Variants in DEPDC5 observed in about 807,000 individuals in gnomAD.
The protein encoded by DEPDC5 is DEP domain containing 5, GATOR1 subcomplex subunit.
Under a neutral mutation model 217.3 loss-of-function variants are expected in DEPDC5, and 73 were observed. The ratio of observed to expected loss-of-function variants is 0.34; its 90% CI spans 0.28 to 0.41. The LOEUF is 0.41. Among genes scored for constraint, DEPDC5 ranks in the 10% least tolerant of loss-of-function variants. The pLI is 1.00. For missense variants in DEPDC5, 1,675 were observed against 2,070.1 expected, an observed-to-expected ratio of 0.81 and a Z score of 3.70; for synonymous variants, 733 against 756.7, an observed-to-expected ratio of 0.97 and a Z score of 0.51.
In DEPDC5 at chr22:31,864,501, AATATAT is replaced by A. The variant is rs34148134; in HGVS notation, c.3330+3087_3330+3092del. On this transcript the variant is annotated intron_variant, in intron 33 of 42. Transcript: ENST00000651528. Reference sequence around the variant, plus strand: ...CCTTCTGAACCTGTTTCTTCATTAAAATATATATATATATATATATATATTTATATA... The same window carrying A: ...CCTTCTGAACCTGTTTCTTCATTAAAATATATATATATATATATTTATATA... Among the ~76,000 whole-genome samples the A allele has an allele frequency of 4.9e-4, 60 of 123,148 alleles. 1 individual carries two copies. The highest frequency in any genetic ancestry group is 7.8e-4 in the Non-Finnish European group (46 of 59,080). 80.8% of individuals were successfully genotyped at this position (123,148 alleles called of 152,430 possible). A position where few individuals can be genotyped will look rare whatever the true frequency, so the allele number is the denominator to read the frequency against.
intron 8 of DEPDC5, 110 bp from the exon 9 acceptor site, chr22:31,783,797 T>C: frequency 1.2e-6 from 1 of 866,598 alleles, no homozygotes; most frequent in Admixed American, 2.5e-5. Context: ...AGTTCAATAG[T>C]GTTAAGAACA....
At chr22:31,903,002 C>G (rs1285915312) in intron 41 of DEPDC5, among the ~76,000 whole-genome samples, 1 of 151,938 alleles carries the variant, frequency 6.6e-6, no homozygotes, top group Non-Finnish European at 1.5e-5. Context: ...CAGTCCAGAT[C>G]CTGGTCTATC....
chr22:31,826,416 T>G (rs1016174283), intron 24 of DEPDC5: 15 of 406,952 alleles, frequency 3.7e-5, no homozygotes, highest in African/African-American at 2.9e-4. Context: ...CAATAACATA[T>G]TTTGTATTCC....
intron 40 of DEPDC5, among the ~76,000 whole-genome samples, chr22:31,899,420 G>A (rs1032324098): frequency 2.0e-5 from 3 of 151,108 alleles, no homozygotes; most frequent in African/African-American, 4.9e-5. Context: ...ACGTAGTCTC[G>A]CTCTGTCACC....
intron 3 of DEPDC5, 68 bp downstream of exon 3, chr22:31,758,701 G>T: frequency 7.0e-7 from 1 of 1,437,476 alleles, no homozygotes; most frequent in Non-Finnish European, 9.8e-7. Context: ...AAGGCAGATA[G>T]CTCTCTTTGC....
At chr22:31,764,864 G>C in intron 4 of DEPDC5, 111 bp from the exon 5 acceptor site, 1 of 737,178 alleles carries the variant, frequency 1.4e-6, no homozygotes, top group Non-Finnish European at 2.4e-6. Context: ...TGTGTTGCCC[G>C]TGTCAGATGA....
At position 31,819,017 on chromosome 22, in the gene DEPDC5, G is replaced by A; in HGVS notation, c.1667-5G>A. The A allele has an allele frequency of 1.9e-6, 3 of 1,614,100 alleles. No homozygotes were observed. Among genetic ancestry groups the A allele is most frequent in the Non-Finnish European group, 2.5e-6 (3 of 1,180,002 alleles). On this transcript the variant is annotated splice_polypyrimidine_tract_variant and splice_region_variant and intron_variant, in intron 21 of 42. Coordinates refer to ENST00000651528, the MANE Select transcript of DEPDC5 (RefSeq NM_001242896.3). ...TTTGTGACTCAACTCCATGATAACT[G>A]GCAGATGTCCTGGAGAACATGATGG...
intron 8 of DEPDC5, among the ~76,000 whole-genome samples, chr22:31,779,454 C>G (rs140418844): frequency 8.5e-5 from 13 of 152,152 alleles, no homozygotes; most frequent in African/African-American, 3.1e-4. Flanking sequence ...TTTCAGAAGT[C>G]AGTGTGGTGG....
Position 31,876,505 on chromosome 22 carries a change from C to T in DEPDC5, c.3805+240C>T, listed in dbSNP as rs146999490. ...GGGTGAAAGATAAAGCTAAAAGAGG[C>T]CAAGGGACCTGGTGTGAGGAAATTC... On this transcript the variant is annotated intron_variant, in intron 37 of 42. Coordinates refer to ENST00000651528, the MANE Select transcript of DEPDC5 (RefSeq NM_001242896.3). 2.6e-4 allele frequency among the ~76,000 whole-genome samples: 39 copies of T among 152,266 alleles called. No individual in the cohort carries two copies. The East Asian group carries it at 7.3e-3, about 29-fold the overall frequency.
At position 31,863,952 on chromosome 22, in the gene DEPDC5, G is replaced by A. The variant is rs138042136; in HGVS notation, c.3330+2519G>A. 2.7e-4 allele frequency among the ~76,000 whole-genome samples: 41 copies of A among 151,868 alleles called. No individual in the cohort carries two copies. The East Asian group carries it at 6.2e-3, about 23-fold the overall frequency. The stretch of plus-strand genomic sequence containing the variant: ...AAAACAAAAAAAAATTATATCAGAA[G>A]TAGTAAGAGCTCATTATACATACAC... On this transcript the variant is annotated intron_variant, in intron 33 of 42. Transcript: ENST00000651528.
At chr22:31,874,869 C>T (rs1569171750) in intron 36 of DEPDC5, among the ~76,000 whole-genome samples, 1 of 152,194 alleles carries the variant, frequency 6.6e-6, no homozygotes, top group Non-Finnish European at 1.5e-5. Flanking sequence ...CCTGCCTCAA[C>T]CAGCTCCTTG....
In DEPDC5 at chr22:31,754,929, C is replaced by G. The variant is rs1388342675; in HGVS notation, c.8C>G (p.Thr3Arg). MR[T>R]TKVYKLVIHK... The stretch of plus-strand genomic sequence containing the variant: ...AGGGAAAAACAGTGCAAGATGAGAA[C>G]AACAAAGGTCTACAAACTCGTCATC... The change falls in exon 2 of 43, where the codon ACA becomes AGA. Residue 3 changes from threonine to arginine, a missense_variant. Around this residue, in one of 11 missense-constraint regions of DEPDC5, gnomAD observed 628 missense variants for 762.1 expected, o/e 0.82. Coordinates refer to ENST00000651528, the MANE Select transcript of DEPDC5 (RefSeq NM_001242896.3). 1.2e-6 allele frequency: 2 copies of G among 1,614,040 alleles called. No homozygotes were observed. Among genetic ancestry groups the G allele is most frequent in the African/African-American group, 2.7e-5 (2 of 74,918 alleles).
chr22:31,860,327 T>G (rs930768827), intron 32 of DEPDC5, among the ~76,000 whole-genome samples: 1 of 152,218 alleles, frequency 6.6e-6, no homozygotes, highest in Non-Finnish European at 1.5e-5. Context: ...GTATTGGAGT[T>G]TGCAGTCACT....
At chr22:31,844,939 C>T (rs2091636442) in intron 29 of DEPDC5, 79 bp from the exon 30 acceptor site, 26 of 1,462,912 alleles carry the variant, frequency 1.8e-5, no homozygotes, top group Non-Finnish European at 2.4e-5. Context: ...CACACACCAA[C>T]TCCACAGAGA....
chr22:31,897,354 A>G, intron 39 of DEPDC5, 128 bp from the exon 40 acceptor site: 1 of 1,243,702 alleles, frequency 8.0e-7, no homozygotes, highest in Admixed American at 2.6e-5. Flanking sequence ...CAGCCAGCAA[A>G]CATGAATAAA....
chr22:31,760,803 C>T (rs2082325003), intron 4 of DEPDC5, 101 bp downstream of exon 4: 2 of 982,044 alleles, frequency 2.0e-6, no homozygotes, highest in South Asian at 1.6e-5. Flanking sequence ...AAGTAATTCT[C>T]TTCTTTTTTA....
Position 31,802,768 on chromosome 22 carries a change from G to C in DEPDC5, c.1011G>C (p.Thr337=). The change falls in exon 15 of 43, where the codon ACG becomes ACC. Residue 337 remains threonine, a synonymous_variant. Transcript: ENST00000651528. The part of the protein sequence containing the change: ...DRTGQMSVVI[T]PGVGVFEVDR... Reference sequence around the variant, plus strand: ...CTGGGCAGATGTCAGTGGTGATCACGCCCGGGGTGGGTGTCTTTGAAGTGG... The same window carrying C: ...CTGGGCAGATGTCAGTGGTGATCACCCCCGGGGTGGGTGTCTTTGAAGTGG... The C allele has an allele frequency of 1.9e-6, 3 of 1,606,030 alleles. No individual in the cohort carries two copies. Among genetic ancestry groups the C allele is most frequent in the Non-Finnish European group, 8.5e-7 (1 of 1,176,664 alleles).
chr22:31,906,461 A>G lies in DEPDC5; in HGVS notation c.4776A>G (p.Thr1592=). ...NRDNRLVTFW[T]SCLEKMHASA... is the part of the protein sequence containing the mutation. ...ACAACCGGCTGGTCACGTTCTGGAC[A>G]AGTTGCCTGGAGAAGATGCATGCCA... is the stretch of plus-strand genomic sequence containing the variant. Residue 1592 remains threonine, a synonymous_variant, in exon 43 of 43, where the codon ACA becomes ACG. Coordinates refer to ENST00000651528, the MANE Select transcript of DEPDC5 (RefSeq NM_001242896.3). This position sits in a 1 kb window ranked among gnomAD's most constrained non-coding sequence, Gnocchi z 5.1. 1.2e-6 allele frequency: 2 copies of G among 1,613,932 alleles called. No individual in the cohort carries two copies. Among genetic ancestry groups the G allele is most frequent in the Non-Finnish European group, 1.7e-6 (2 of 1,180,020 alleles).
chr22:31,875,864 C>T (rs2092977837), intron 36 of DEPDC5: 2 of 245,338 alleles, frequency 8.2e-6, no homozygotes, highest in Non-Finnish European at 1.6e-5. Context: ...AACTCCTGGC[C>T]TCAAGTGATC....
Sources: gnomAD v4.1 joint callset for allele counts (sites outside exome capture counted in the v4.1 genomes callset) on GRCh38, gnomAD v4.1.1 for gene constraint, gnomAD v4.1.1 regional missense constraint, Gnocchi (gnomAD v3.1) non-coding constraint, MANE v1.5 for transcripts, NCBI Gene and HGNC (gene_info 2026-07-23, HGNC 2026-07-21) for gene names.